PHF20: variants seen among roughly 807,000 people sequenced by gnomAD.
PHF20 encodes glioma-expressed antigen 2.
In PHF20, 23 loss-of-function variants were observed where a neutral mutation model predicts 113.5. That is an observed-to-expected ratio of 0.20 (90% CI 0.15 to 0.29). The LOEUF is 0.29. PHF20 is among the 10% of genes least tolerant of loss of function. The pLI, the probability that PHF20 is intolerant of heterozygous loss-of-function variation, is 1.00. For synonymous variants in PHF20, 434 were observed against 457.3 expected (o/e 0.95, Z 0.65); for missense variants, 943 against 1,219.6 (o/e 0.77, Z 3.38).
intron 10 of PHF20, among the ~76,000 whole-genome samples, chr20:35,903,021 CTTTTTTT>C (rs370237613): frequency 4.4e-5 from 4 of 91,496 alleles, no homozygotes; most frequent in East Asian, 3.2e-4. Flanking sequence ...TTTCTTTTTT[CTTTTTTT>C]TTTTTTTTGA....
rs1490389364 is a variant in PHF20, at chr20:35,871,109, G to A, written c.1077G>A (p.Leu359=). 2 of 1,610,968 alleles carry A rather than the reference G, an allele frequency of 1.2e-6. No homozygotes were observed. Among genetic ancestry groups the A allele is most frequent in the Non-Finnish European group, 1.7e-6 (2 of 1,179,400 alleles). ...LVDTDPLQDT[L]SSTKESEEGQ... Reference sequence around the variant, plus strand: ...ATACGGATCCTTTGCAAGACACGTTGTCTAGTACCAAGGAATCTGAAGAAG... The same window carrying A: ...ATACGGATCCTTTGCAAGACACGTTATCTAGTACCAAGGAATCTGAAGAAG... Residue 359 remains leucine, a synonymous_variant, in exon 8 of 18, where the codon TTG becomes TTA. Coordinates refer to ENST00000374012, the MANE Select transcript of PHF20 (RefSeq NM_016436.5).
At chr20:35,944,812 C>G (rs1390929452) in intron 17 of PHF20, among the ~76,000 whole-genome samples, 1 of 152,142 alleles carries the variant, frequency 6.6e-6, no homozygotes, top group South Asian at 2.1e-4. Context: ...GGTGATCCAC[C>G]TCCCTTGACC....
intron 1 of PHF20, among the ~76,000 whole-genome samples, chr20:35,781,130 G>A (rs901722036): frequency 6.6e-6 from 1 of 151,290 alleles, no homozygotes; most frequent in Admixed American, 6.6e-5. Context: ...GATTACAGGC[G>A]TGAGCAAGAT....
intron 9 of PHF20, among the ~76,000 whole-genome samples, chr20:35,873,297 C>G (rs1259986741): frequency 6.6e-6 from 1 of 151,702 alleles, no homozygotes; most frequent in Non-Finnish European, 1.5e-5. Flanking sequence ...GACAGGGTCT[C>G]TCCGTGTTGA....
At chr20:35,803,730 GTATA>G (rs1159696788) in intron 2 of PHF20, among the ~76,000 whole-genome samples, 1 of 149,836 alleles carries the variant, frequency 6.7e-6, no homozygotes, top group African/African-American at 2.4e-5. Flanking sequence ...CTGCGTGTGT[GTATA>G]TATATTATAT....
chr20:35,843,674 C>A (rs2042572089), intron 3 of PHF20, among the ~76,000 whole-genome samples: 1 of 152,026 alleles, frequency 6.6e-6, no homozygotes, highest in Non-Finnish European at 1.5e-5. Flanking sequence ...CCTCAATCTC[C>A]CAGGCTCAAG....
chr20:35,831,123 C>T (rs1030482898), intron 2 of PHF20, among the ~76,000 whole-genome samples: 3 of 151,682 alleles, frequency 2.0e-5, no homozygotes, highest in Non-Finnish European at 4.4e-5. Flanking sequence ...TTTCTTTCTT[C>T]CTTCCCTCCC....
intron 9 of PHF20, chr20:35,887,807 T>TAAAAAA (rs774278547): frequency 9.5e-5 from 10 of 105,214 alleles, no homozygotes; most frequent in East Asian, 2.5e-4. Flanking sequence ...AAGACTGAAT[T>TAAAAAA]AAAAAAAAAA....
At chr20:35,932,545 C>T (rs2055780350) in intron 15 of PHF20, among the ~76,000 whole-genome samples, 1 of 150,340 alleles carries the variant, frequency 6.7e-6, no homozygotes, top group Admixed American at 6.6e-5. Context: ...ATTCTCCTGC[C>T]TCAGCCTCCT....
At chr20:35,786,476 G>A (rs558635865) in intron 1 of PHF20, among the ~76,000 whole-genome samples, 21 of 152,290 alleles carry the variant, frequency 1.4e-4, no homozygotes, top group African/African-American at 4.8e-4. Flanking sequence ...GGCCGAGGCG[G>A]GTGGATCACA....
chr20:35,813,249 C>T (rs920347148), intron 2 of PHF20, among the ~76,000 whole-genome samples: 1 of 150,584 alleles, frequency 6.6e-6, no homozygotes, highest in African/African-American at 2.4e-5. Flanking sequence ...GGATTACAGG[C>T]GCGGTGAGCC....
chr20:35,810,396 A>T (rs1184241421), intron 2 of PHF20, among the ~76,000 whole-genome samples: 1 of 152,126 alleles, frequency 6.6e-6, no homozygotes, highest in Non-Finnish European at 1.5e-5. Context: ...TTACACTGTC[A>T]TGCCCACCTT....
intron 2 of PHF20, among the ~76,000 whole-genome samples, chr20:35,807,098 C>G (rs1200108500): frequency 1.3e-5 from 2 of 151,850 alleles, no homozygotes; most frequent in African/African-American, 2.4e-5. Flanking sequence ...CCCGGTCAAC[C>G]TTTACTCTTT....
At chr20:35,820,542 A>G (rs1217752990) in intron 2 of PHF20, among the ~76,000 whole-genome samples, 3 of 146,094 alleles carry the variant, frequency 2.1e-5, no homozygotes, top group African/African-American at 7.7e-5. Context: ...TCCGCCTCCC[A>G]GGTTCACACC....
intron 2 of PHF20, among the ~76,000 whole-genome samples, chr20:35,812,308 A>G (rs1012823992): frequency 6.6e-6 from 1 of 151,800 alleles, no homozygotes; most frequent in Non-Finnish European, 1.5e-5. Flanking sequence ...ATGTCTCTTT[A>G]GTTGCTTTGA....
At chr20:35,891,067 A>C (rs886102468) in intron 9 of PHF20, among the ~76,000 whole-genome samples, 1 of 152,190 alleles carries the variant, frequency 6.6e-6, no homozygotes, top group Non-Finnish European at 1.5e-5. Context: ...AACATAAGTA[A>C]GAGAAGTAAA....
chr20:35,843,521 C>CAAAAAA (rs766671833), intron 3 of PHF20, among the ~76,000 whole-genome samples: 1 of 53,182 alleles, frequency 1.9e-5, no homozygotes, highest in African/African-American at 7.0e-5. Flanking sequence ...TATTCCATCT[C>CAAAAAA]AAAAAAAAAA....
At chr20:35,870,834 C>CTT in intron 7 of PHF20, 121 bp from the exon 8 acceptor site, 1 of 636,468 alleles carries the variant, frequency 1.6e-6, no homozygotes, top group Non-Finnish European at 2.6e-6. Context: ...TATCACTACT[C>CTT]TAACATTCCA....
At chr20:35,818,667 G>T (rs7271467) in intron 2 of PHF20, among the ~76,000 whole-genome samples, 5,679 of 152,074 alleles carry the variant, frequency 0.037, 366 homozygotes, top group African/African-American at 0.13. Context: ...TCCTGAGTAG[G>T]CTGGGACTAT....
Sources: allele counts gnomAD v4.1 joint callset (sites outside exome capture counted in the v4.1 genomes callset), GRCh38; gene constraint gnomAD v4.1.1; transcripts MANE v1.5; gene names NCBI Gene and HGNC (gene_info 2026-07-23, HGNC 2026-07-21).